ACOT8: variants seen among roughly 807,000 people sequenced by gnomAD.
ACOT8 encodes the protein acyl-coenzyme A thioesterase 8.
In ACOT8, 31 loss-of-function variants were observed where a neutral mutation model predicts 38.4. The observed-to-expected ratio is 0.81, with a 90% CI of 0.61 to 1.09. ACOT8 has a LOEUF of 1.09. Among genes scored for constraint, ACOT8 ranks in the 50% least tolerant of loss-of-function variants. ACOT8 has a pLI of 0.00. For synonymous variants in ACOT8, 158 were observed against 170.3 expected (o/e 0.93, Z 0.56); for missense variants, 373 against 421.8 (o/e 0.88, Z 1.01).
intron 2 of ACOT8, chr20:45,853,998 G>A: frequency 1.5e-6 from 2 of 1,298,438 alleles, no homozygotes; most frequent in Admixed American, 4.7e-5. Context: ...GGGGTAACAG[G>A]GAAGGAAAGA....
intron 5 of ACOT8, chr20:45,842,744 T>C (rs1358523572): frequency 3.2e-5 from 32 of 989,298 alleles, no homozygotes; most frequent in Admixed American, 1.7e-4. Flanking sequence ...GTCAGGAATT[T>C]GGCCCCATGA....
chr20:45,857,075 G>A, intron 1 of ACOT8, 113 bp downstream of exon 1: 1 of 1,268,862 alleles, frequency 7.9e-7, no homozygotes. Context: ...GTGGCAGAGG[G>A]TGCATCCCAC....
chr20:45,843,505 T>TC (rs1309326645), intron 5 of ACOT8, 22 bp downstream of exon 5: 1 of 1,605,660 alleles, frequency 6.2e-7, no homozygotes, highest in Non-Finnish European at 8.5e-7. Flanking sequence ...AGTGCCCTTG[T>TC]CCCACACGGC....
intron 2 of ACOT8, chr20:45,853,950 T>C: frequency 7.7e-7 from 1 of 1,304,412 alleles, no homozygotes; most frequent in Non-Finnish European, 1.0e-6. Flanking sequence ...TCTTCTCAGC[T>C]GGGGATCTAC....
chr20:45,854,012 C>T (rs1985234106), intron 2 of ACOT8: 3 of 1,277,246 alleles, frequency 2.3e-6, no homozygotes, highest in Middle Eastern at 2.2e-4. Flanking sequence ...GGAAAGAAAA[C>T]AGTGAGGGTT....
At chr20:45,851,237 C>T (rs183195) in intron 2 of ACOT8, among the ~76,000 whole-genome samples, 3 of 152,032 alleles carry the variant, frequency 2.0e-5, no homozygotes, top group Non-Finnish European at 4.4e-5. Context: ...TATCAGAGTG[C>T]GAGCTCCTCA....
At chr20:45,856,631 G>A (rs1985459011) in intron 1 of ACOT8, among the ~76,000 whole-genome samples, 1 of 152,116 alleles carries the variant, frequency 6.6e-6, no homozygotes, top group Non-Finnish European at 1.5e-5. Flanking sequence ...ACTGAGCCGA[G>A]ATCGCACCAC....
chr20:45,841,836 G>A lies in ACOT8; in HGVS notation c.*2C>T, dbSNP rs750615669. ...AGCCCCAGGCGAAGCTGGTACCTCT[G>A]GCTACAGCTTGCTCTCTGAGACCTG... On this transcript the variant is annotated 3_prime_UTR_variant, in exon 6 of 6. Coordinates refer to ENST00000217455, the MANE Select transcript of ACOT8 (RefSeq NM_005469.4). 6.2e-7 allele frequency: 1 copy of A among 1,601,568 alleles called. No homozygotes were observed. Among genetic ancestry groups the A allele is most frequent in the South Asian group, 1.1e-5 (1 of 89,708 alleles).
chr20:45,841,850 C>G lies in ACOT8; in HGVS notation c.948G>C (p.Glu316Asp), dbSNP rs1199374826. The change falls in exon 6 of 6, where the codon GAG (glutamate) becomes GAC (aspartate). Residue 316 changes from glutamate to aspartate, a missense_variant. Physicochemically the swap from Glu to Asp is conservative, Grantham distance 45 (BLOSUM62 2). Transcript: ENST00000217455. ...GVIRVKPQVSESKL is the reference protein window; with the variant it reads ...GVIRVKPQVSDSKL ...CTGGTACCTCTGGCTACAGCTTGCTCTCTGAGACCTGGGGCTTCACTCGGA... is the reference window on the plus strand; with the variant it reads ...CTGGTACCTCTGGCTACAGCTTGCTGTCTGAGACCTGGGGCTTCACTCGGA... The G allele has an allele frequency of 1.9e-6, 3 of 1,605,112 alleles. No individual in the cohort carries two copies. Among genetic ancestry groups the G allele is most frequent in the African/African-American group, 1.3e-5 (1 of 74,800 alleles).
chr20:45,848,853 T>C, intron 2 of ACOT8, 178 bp from the exon 3 acceptor site: 1 of 508,566 alleles, frequency 2.0e-6, no homozygotes, highest in South Asian at 3.8e-5. Context: ...GGCTTCTCCC[T>C]GTGCAGGTGG....
chr20:45,843,705 C>A lies in ACOT8; in HGVS notation c.663G>T (p.Lys221Asn). Residue 221 changes from lysine to asparagine, a missense_variant, in exon 5 of 6, where the codon AAG becomes AAT. Lys to Asn is a moderately conservative substitution (Grantham distance 94). Transcript: ENST00000217455. ...ARGYIGEGDM[K>N]MHCCVAAYIS... ...TATAGGCGGCCACGCAGCAGTGCAT[C>A]TTCATGTCGCCCTCGCCTGCAACAG... 1.2e-6 allele frequency: 2 copies of A among 1,607,022 alleles called. No homozygotes were observed. Among genetic ancestry groups the A allele is most frequent in the Non-Finnish European group, 1.7e-6 (2 of 1,174,318 alleles).
chr20:45,842,009 C>CTTT (rs370136124), intron 5 of ACOT8, 53 bp from the exon 6 acceptor site: 7 of 1,477,856 alleles, frequency 4.7e-6, no homozygotes, highest in Admixed American at 2.0e-5. Context: ...GCCAAATACA[C>CTTT]TTTTTTTTTT....
At chr20:45,844,615 A>C (rs1430458230) in intron 3 of ACOT8, among the ~76,000 whole-genome samples, 195 bp from the exon 4 acceptor site, 1 of 152,088 alleles carries the variant, frequency 6.6e-6, no homozygotes, top group African/African-American at 2.4e-5. Context: ...GTCTCGTGCT[A>C]ATTAGTAATC....
chr20:45,857,391 G>T lies in ACOT8; in HGVS notation c.-76C>A, dbSNP rs556028707. 3 of 1,503,346 alleles carry T rather than the reference G, an allele frequency of 2.0e-6. No individual in the cohort carries two copies. Among genetic ancestry groups the T allele is most frequent in the African/African-American group, 2.8e-5 (2 of 71,980 alleles). The allele number at this position is 1,503,346 out of a possible 1,614,324, so 93.1% of individuals were successfully genotyped here. ...ACATACACAGAACCTGACTCTTCCG[G>T]CAGATTGCCCTAGTAACCGGAAGTC... On this transcript the variant is annotated 5_prime_UTR_variant, in exon 1 of 6. Coordinates refer to ENST00000217455, the MANE Select transcript of ACOT8 (RefSeq NM_005469.4).
At chr20:45,855,926 C>T (rs1157972921) in intron 1 of ACOT8, among the ~76,000 whole-genome samples, 2 of 152,158 alleles carry the variant, frequency 1.3e-5, no homozygotes, top group East Asian at 1.9e-4. Flanking sequence ...TAGCCTCCCA[C>T]GTCCCAGCTG....
At chr20:45,842,181 G>A in intron 5 of ACOT8, 3 of 1,499,802 alleles carry the variant, frequency 2.0e-6, no homozygotes, top group Non-Finnish European at 2.7e-6. Context: ...CCAGGGCAGG[G>A]CTGCCCCACA....
chr20:45,855,121 C>T, intron 2 of ACOT8, 38 bp downstream of exon 2: 1 of 1,608,390 alleles, frequency 6.2e-7, no homozygotes, highest in South Asian at 1.1e-5. Context: ...GCTGCTGGGC[C>T]ACCAGGGTTG....
At chr20:45,848,249 A>G (rs918343879) in intron 3 of ACOT8, among the ~76,000 whole-genome samples, 1 of 152,102 alleles carries the variant, frequency 6.6e-6, no homozygotes, top group Non-Finnish European at 1.5e-5. Context: ...ACAGACACAC[A>G]CCAGAAACAC....
intron 3 of ACOT8, among the ~76,000 whole-genome samples, chr20:45,844,916 T>C (rs1984566805): frequency 6.6e-6 from 1 of 152,054 alleles, no homozygotes; most frequent in African/African-American, 2.4e-5. Context: ...GGGTCCACAG[T>C]ATGATTATTT....
Sources: gnomAD v4.1 joint callset for allele counts (sites outside exome capture counted in the v4.1 genomes callset) on GRCh38, gnomAD v4.1.1 for gene constraint, MANE v1.5 for transcripts, NCBI Gene and HGNC (gene_info 2026-07-23, HGNC 2026-07-21) for gene names.